LVRN: variants seen among roughly 807,000 people sequenced by gnomAD.
LVRN encodes laeverin, also known as aminopeptidase Q.
Under a neutral mutation model 111.4 loss-of-function variants are expected in LVRN, and 99 were observed. That is an observed-to-expected ratio of 0.89 (90% CI 0.76 to 1.05). The LOEUF (loss-of-function observed/expected upper bound fraction) is 1.05, where lower values mean the gene tolerates loss of function less well. LVRN is among the 50% of genes least tolerant of loss of function. The probability of loss-of-function intolerance (pLI) is 0.00; values close to 1 mark genes in which losing one functional copy is unlikely to be tolerated. For missense variants in LVRN, 1,414 were observed against 1,206.8 expected, an observed-to-expected ratio of 1.17 and a Z score of -2.54; for synonymous variants, 488 against 449.5, an observed-to-expected ratio of 1.09 and a Z score of -1.08.
intron 2 of LVRN, among the ~76,000 whole-genome samples, chr5:115,983,692 A>G (rs1313489161): frequency 3.9e-5 from 6 of 152,184 alleles, no homozygotes; most frequent in African/African-American, 1.2e-4. Context: ...TTGGGCTTCA[A>G]CTGTTGATCA....
chr5:115,991,989 G>C, intron 4 of LVRN, 134 bp from the exon 5 acceptor site: 1 of 756,026 alleles, frequency 1.3e-6, no homozygotes, highest in Non-Finnish European at 2.0e-6. Context: ...TCTTTAAAAA[G>C]CCTTCTCTCC....
At chr5:115,996,609 AT>A (rs1221529321) in intron 6 of LVRN, among the ~76,000 whole-genome samples, 1 of 152,168 alleles carries the variant, frequency 6.6e-6, no homozygotes, top group Non-Finnish European at 1.5e-5. Flanking sequence ...CAGATTTACA[AT>A]TTTTTCTATT....
chr5:115,993,821 A>T lies in LVRN; in HGVS notation c.1341A>T (p.Glu447Asp). 1 of 1,608,064 alleles carries T rather than the reference A, an allele frequency of 6.2e-7. No individual in the cohort carries two copies. The change falls in exon 6 of 20, where the codon GAA (glutamate) becomes GAT (aspartate). Residue 447 changes from glutamate (E) to aspartate (D), a missense_variant. Transcript: ENST00000357872. The part of the protein sequence containing the change: ...NEGFASYFEF[E>D]VINYFNPKLP... ...GTTTTGCATCTTATTTTGAGTTTGA[A>T]GTAATTAACTACTTTAATCCTAAAC...
At chr5:116,013,636 G>T (rs1020072288) in intron 15 of LVRN, among the ~76,000 whole-genome samples, 1 of 152,038 alleles carries the variant, frequency 6.6e-6, no homozygotes, top group African/African-American at 2.4e-5. Context: ...TTCCTCTTCA[G>T]CTTATCAGAA....
chr5:115,965,825 A>G (rs991917210), intron 1 of LVRN, among the ~76,000 whole-genome samples: 4 of 152,052 alleles, frequency 2.6e-5, no homozygotes, highest in Non-Finnish European at 5.9e-5. Context: ...CCATGACTAT[A>G]AGTTTCCTGA....
rs374170205 is a variant in LVRN at position 116,015,341 on chromosome 5, C to T, written c.2540C>T (p.Thr847Ile). 1.9e-6 allele frequency: 3 copies of T among 1,612,178 alleles called. No individual in the cohort carries two copies. Among genetic ancestry groups the T allele is most frequent in the African/African-American group, 2.7e-5 (2 of 74,836 alleles). Residue 847 changes from threonine to isoleucine, a missense_variant, in exon 17 of 20, where the codon ACT (threonine) becomes ATT (isoleucine). Transcript: ENST00000357872. ...TGGGACATCTTGTTAAATACTTACA[C>T]TAATACAACAAACAAAGAAGAAAAG... ...KEWDILLNTY[T>I]NTTNKEEKIQ...
Position 116,010,730 on chromosome 5 carries a change from A to C in LVRN, c.2094-11A>C. ...AGGTTTTTTGAGTGTGTGTGTTTTT[A>C]AATCAAACAGAAACAATTATATTGA... On this transcript the variant is annotated splice_polypyrimidine_tract_variant and intron_variant, in intron 13 of 19. Transcript: ENST00000357872. The C allele has an allele frequency of 6.3e-7, 1 of 1,580,082 alleles. No individual in the cohort carries two copies. Among genetic ancestry groups the C allele is most frequent in the South Asian group, 1.2e-5 (1 of 85,968 alleles).
intron 6 of LVRN, among the ~76,000 whole-genome samples, chr5:115,994,534 A>C (rs1187732217): frequency 4.6e-5 from 7 of 152,190 alleles, no homozygotes; most frequent in Non-Finnish European, 8.8e-5. Context: ...CGGCCTCCCA[A>C]AGTGCTGGGA....
At chr5:115,987,072 GT>G (rs987435830) in intron 3 of LVRN, among the ~76,000 whole-genome samples, 8 of 151,116 alleles carry the variant, frequency 5.3e-5, no homozygotes, top group African/African-American at 1.7e-4. Context: ...TCAATTTATA[GT>G]AATAATTAAT....
intron 2 of LVRN, among the ~76,000 whole-genome samples, chr5:115,984,141 AG>A (rs1050196526): frequency 2.0e-5 from 3 of 152,148 alleles, no homozygotes; most frequent in African/African-American, 7.2e-5. Flanking sequence ...TCAGCTTTAA[AG>A]GCCCCAGATT....
chr5:115,969,917 T>A (rs939087102), intron 1 of LVRN, among the ~76,000 whole-genome samples: 1 of 152,154 alleles, frequency 6.6e-6, no homozygotes, highest in Non-Finnish European at 1.5e-5. Context: ...ATTAGACATA[T>A]TTATAATAGC....
intron 1 of LVRN, among the ~76,000 whole-genome samples, chr5:115,974,314 A>T (rs1269357889): frequency 1.3e-5 from 2 of 152,218 alleles, no homozygotes; most frequent in East Asian, 3.8e-4. Flanking sequence ...ACCAACTCTG[A>T]AGGTACATTC....
At chr5:115,975,311 G>T in intron 1 of LVRN, 1 of 325,982 alleles carries the variant, frequency 3.1e-6, no homozygotes, top group Non-Finnish European at 5.8e-6. Context: ...TTATTCATTT[G>T]CAGATCATCC....
chr5:115,990,971 T>C (rs1438518501), intron 4 of LVRN, among the ~76,000 whole-genome samples: 1 of 152,200 alleles, frequency 6.6e-6, no homozygotes, highest in Non-Finnish European at 1.5e-5. Context: ...TCTCTTTCCT[T>C]TCTTCTCCCT....
rs369832996 is a variant in LVRN, at chr5:116,025,933, T to C, written c.2833-45T>C. 9 of 1,603,964 alleles carry C rather than the reference T, an allele frequency of 5.6e-6. No individual in the cohort carries two copies. In the African/African-American group the frequency reaches 1.1e-4, roughly 19 times the overall value. On this transcript the variant is annotated intron_variant, in intron 19 of 19. Coordinates refer to ENST00000357872, the MANE Select transcript of LVRN (RefSeq NM_173800.5). ...CATTTAGACATTTACTTTGTCCAAATGGGAAGTTGGATTGCACTGATCATC... is the reference window on the plus strand; with the variant it reads ...CATTTAGACATTTACTTTGTCCAAACGGGAAGTTGGATTGCACTGATCATC...
At chr5:115,974,870 G>A (rs982498824) in intron 1 of LVRN, 16 of 406,322 alleles carry the variant, frequency 3.9e-5, no homozygotes, top group Non-Finnish European at 6.9e-5. Flanking sequence ...GCTCTCTCCC[G>A]ACCAATCTCT....
intron 13 of LVRN, among the ~76,000 whole-genome samples, chr5:116,007,344 A>G (rs939925225): frequency 2.6e-5 from 4 of 152,176 alleles, no homozygotes; most frequent in African/African-American, 9.7e-5. Flanking sequence ...CTATACAAAA[A>G]GGAAATCCCC....
intron 9 of LVRN, 152 bp from the exon 10 acceptor site, chr5:116,000,915 C>G: frequency 1.2e-6 from 1 of 821,068 alleles, no homozygotes; most frequent in Non-Finnish European, 1.9e-6. Flanking sequence ...CATATATAAA[C>G]AGAGTTCTAA....
chr5:115,992,721 T>G (rs2112585270), intron 5 of LVRN, among the ~76,000 whole-genome samples: 1 of 152,318 alleles, frequency 6.6e-6, no homozygotes, highest in South Asian at 2.1e-4. Context: ...GGTAATAGAT[T>G]AGCAAGGTGG....
Sources: allele counts gnomAD v4.1 joint callset (sites outside exome capture counted in the v4.1 genomes callset), GRCh38; gene constraint gnomAD v4.1.1; transcripts MANE v1.5; gene names NCBI Gene and HGNC (gene_info 2026-07-23, HGNC 2026-07-21).